Variants in NXN observed in about 807,000 individuals in gnomAD.
NXN encodes the protein nucleoredoxin 1.
NXN carries 16 observed loss-of-function variants against 48.6 expected under a neutral mutation model. The observed-to-expected ratio is 0.33, with a 90% CI of 0.22 to 0.50. NXN has a LOEUF of 0.50. NXN is among the 20% of genes least tolerant of loss of function. The pLI, the probability that NXN is intolerant of heterozygous loss-of-function variation, is 0.98. For missense variants in NXN, 492 were observed against 605.5 expected (o/e 0.81, Z 1.97); for synonymous variants, 281 against 269.6 (o/e 1.04, Z -0.41).
intron 5 of NXN, among the ~76,000 whole-genome samples, chr17:818,709 C>G (rs1027474504): frequency 2.6e-5 from 4 of 152,044 alleles, no homozygotes; most frequent in Admixed American, 6.6e-5. Flanking sequence ...CATGGTGAAA[C>G]CCCATCTCTA....
At chr17:810,612 G>A (rs1225513072) in intron 5 of NXN, among the ~76,000 whole-genome samples, 6 of 152,190 alleles carry the variant, frequency 3.9e-5, no homozygotes, top group African/African-American at 7.2e-5. Flanking sequence ...GAAAGGAGCC[G>A]GGCACGGTGG....
At chr17:871,911 GGGGTGAGGGATT>G (rs1403251452) in intron 1 of NXN, among the ~76,000 whole-genome samples, 2 of 152,024 alleles carry the variant, frequency 1.3e-5, no homozygotes, top group Non-Finnish European at 2.9e-5. Flanking sequence ...GGGAAACTCG[GGGGTGAGGGATT>G]GGGGGAGGAA....
intron 1 of NXN, among the ~76,000 whole-genome samples, chr17:911,872 G>C (rs1283151848): frequency 1.3e-5 from 2 of 151,198 alleles, no homozygotes; most frequent in Non-Finnish European, 2.9e-5. Context: ...TCCCTCCCCA[G>C]ATCCCAGTCT....
intron 1 of NXN, chr17:929,573 G>A (rs574409030): frequency 1.3e-5 from 2 of 152,260 alleles, no homozygotes; most frequent in African/African-American, 4.8e-5. Context: ...CAAAATAGAA[G>A]GGCGATCAAC....
At chr17:937,075 C>T (rs913604784) in intron 1 of NXN, among the ~76,000 whole-genome samples, 1 of 151,870 alleles carries the variant, frequency 6.6e-6, no homozygotes, top group South Asian at 2.1e-4. Context: ...CTTTGCCTCC[C>T]GGGCTCAAGT....
At chr17:823,988 C>T (rs1912958774) in intron 2 of NXN, among the ~76,000 whole-genome samples, 1 of 151,596 alleles carries the variant, frequency 6.6e-6, no homozygotes, top group Non-Finnish European at 1.5e-5. Context: ...GCCCTCCTGG[C>T]AACGGTTCCC....
At chr17:924,522 C>A (rs1411328751) in intron 1 of NXN, among the ~76,000 whole-genome samples, 1 of 152,252 alleles carries the variant, frequency 6.6e-6, no homozygotes. Flanking sequence ...CAGGGATGAG[C>A]CACTGCGCCC....
chr17:802,598 T>C (rs964141865), intron 7 of NXN, among the ~76,000 whole-genome samples: 38 of 152,180 alleles, frequency 2.5e-4, no homozygotes, highest in African/African-American at 8.4e-4. Context: ...TCTGCAGGGG[T>C]TGGAGTCACT....
intron 5 of NXN, among the ~76,000 whole-genome samples, chr17:811,452 G>C (rs1042421118): frequency 6.7e-6 from 1 of 150,278 alleles, no homozygotes; most frequent in African/African-American, 2.4e-5. Context: ...CTTAGAAAAA[G>C]AATTTTCAGC....
At chr17:895,104 C>T (rs1291898495) in intron 1 of NXN, among the ~76,000 whole-genome samples, 2 of 138,120 alleles carry the variant, frequency 1.4e-5, no homozygotes, top group African/African-American at 2.7e-5. Flanking sequence ...GCAACCTCCG[C>T]CTCCTGGGTT....
chr17:847,882 G>GA (rs1382070971), intron 1 of NXN, among the ~76,000 whole-genome samples: 1 of 152,114 alleles, frequency 6.6e-6, no homozygotes, highest in Non-Finnish European at 1.5e-5. Flanking sequence ...TGTAGAATAA[G>GA]AAAAAACAGC....
chr17:924,350 C>A (rs1567864334), intron 1 of NXN, among the ~76,000 whole-genome samples: 1 of 152,234 alleles, frequency 6.6e-6, no homozygotes, highest in Admixed American at 6.5e-5. Flanking sequence ...GATTCTCCTG[C>A]CTCAGCCCCC....
In NXN at chr17:979,444, C is replaced by T; in HGVS notation, c.235G>A (p.Glu79Lys). 8.0e-7 allele frequency: 1 copy of T among 1,256,432 alleles called. No homozygotes were observed. The highest frequency in any genetic ancestry group is 1.6e-5 in the African/African-American group (1 of 64,258). 77.8% of individuals were successfully genotyped at this position (1,256,432 alleles called of 1,614,324 possible). A position where few individuals can be genotyped will look rare whatever the true frequency, so the allele number is the denominator to read the frequency against. ...TCCAGGCGCCGCCGCGGCTCGGGCT[C>T]CGCCGCCGCCCCGGCCCCCGCTCCC... ...GPGAGAGAAA[E>K]PEPRRRLEIV... The change falls in exon 1 of 8, where the codon GAG becomes AAG. Residue 79 changes from glutamate (E) to lysine (K), a missense_variant. Coordinates refer to ENST00000336868, the MANE Select transcript of NXN (RefSeq NM_022463.5).
At chr17:860,868 G>A (rs1460711931) in intron 1 of NXN, among the ~76,000 whole-genome samples, 1 of 152,258 alleles carries the variant, frequency 6.6e-6, no homozygotes, top group Non-Finnish European at 1.5e-5. Flanking sequence ...TAATTTAAGT[G>A]ACTTTTGGAT....
intron 1 of NXN, among the ~76,000 whole-genome samples, chr17:957,600 C>G (rs1425857843): frequency 6.6e-6 from 1 of 151,364 alleles, no homozygotes; most frequent in Non-Finnish European, 1.5e-5. Flanking sequence ...CCACTGCACT[C>G]CAGCCTGGGC....
chr17:884,788 C>T lies in NXN; in HGVS notation c.361-58710G>A, dbSNP rs527668805. ...TTAATAAGCTAAACGGAGCTGAAGACGGATCCCAAGTGTCTCAACAGCTCT... is the reference window on the plus strand; with the variant it reads ...TTAATAAGCTAAACGGAGCTGAAGATGGATCCCAAGTGTCTCAACAGCTCT... On this transcript the variant is annotated intron_variant, in intron 1 of 7. Transcript: ENST00000336868. Among the ~76,000 whole-genome samples the T allele has an allele frequency of 8.5e-5, 13 of 152,322 alleles. No homozygotes were observed. In the East Asian group the frequency reaches 2.3e-3, roughly 27 times the overall value.
intron 1 of NXN, among the ~76,000 whole-genome samples, chr17:925,031 C>A (rs953460460): frequency 6.6e-6 from 1 of 152,182 alleles, no homozygotes; most frequent in African/African-American, 2.4e-5. Flanking sequence ...TGGGAGCAGC[C>A]GGCGGATTCA....
At chr17:939,017 A>C (rs1184554064) in intron 1 of NXN, among the ~76,000 whole-genome samples, 2 of 151,984 alleles carry the variant, frequency 1.3e-5, no homozygotes, top group Non-Finnish European at 2.9e-5. Context: ...TCACCGCTGC[A>C]CTCCAGCCTG....
rs897658053 is a variant in NXN at position 825,236 on chromosome 17, A to G, written c.478+725T>C. ...TGTCTCAAGAGAAAAAAAAAAAAAA[A>G]AAAGAAAAGCTTCACGCTTGGTTCC... On this transcript the variant is annotated intron_variant, in intron 2 of 7. Coordinates refer to ENST00000336868, the MANE Select transcript of NXN (RefSeq NM_022463.5). This position sits in a 1 kb window ranked among gnomAD's most constrained non-coding sequence, Gnocchi z 4.1. 9.3e-5 allele frequency among the ~76,000 whole-genome samples: 14 copies of G among 151,152 alleles called. No homozygotes were observed. Among genetic ancestry groups the G allele is most frequent in the African/African-American group, 2.7e-4 (11 of 41,132 alleles).
Sources: allele counts gnomAD v4.1 joint callset (sites outside exome capture counted in the v4.1 genomes callset), GRCh38; gene constraint gnomAD v4.1.1; non-coding constraint Gnocchi (gnomAD v3.1); transcripts MANE v1.5; gene names NCBI Gene and HGNC (gene_info 2026-07-23, HGNC 2026-07-21).